ENTREP1: variants seen among roughly 807,000 people sequenced by gnomAD.
ENTREP1 encodes Friedreich ataxia region gene X123.
chr9:69,372,352 C>T, the ENTREP1 span, among the ~76,000 whole-genome samples: 2 of 152,144 alleles, frequency 1.3e-5, no homozygotes, highest in Admixed American at 6.5e-5. Flanking sequence ...GCTCCCCATC[C>T]TCCAGCCCCT....
At chr9:69,387,947 T>C in the ENTREP1 span, 1 of 1,517,124 alleles carries the variant, frequency 6.6e-7, no homozygotes, top group Non-Finnish European at 8.9e-7. Context: ...CACAATGACG[T>C]GTTTCGGGCC....
chr9:69,391,955 C>T, the ENTREP1 span: 1 of 725,942 alleles, frequency 1.4e-6, no homozygotes, highest in Non-Finnish European at 2.3e-6. Flanking sequence ...TGACTGAGGG[C>T]ATTCAGGAGT....
At chr9:69,339,020 T>C in the ENTREP1 span, among the ~76,000 whole-genome samples, 1 of 152,156 alleles carries the variant, frequency 6.6e-6, no homozygotes. Context: ...AGTTCATATG[T>C]ATCTTTTGTT....
chr9:69,382,608 C>T, the ENTREP1 span: 2 of 152,328 alleles, frequency 1.3e-5, no homozygotes, highest in East Asian at 1.9e-4. Context: ...GTTGCAGAGT[C>T]TCATTCTTCT....
chr9:69,371,135 G>T, the ENTREP1 span: 1 of 316,032 alleles, frequency 3.2e-6, no homozygotes, highest in Non-Finnish European at 6.0e-6. Context: ...CCAGAGTTCT[G>T]TATTTGTTTA....
chr9:69,352,775 T>G, the ENTREP1 span, among the ~76,000 whole-genome samples: 3 of 152,166 alleles, frequency 2.0e-5, no homozygotes, highest in Non-Finnish European at 4.4e-5. Flanking sequence ...TGGACCATAG[T>G]GATTGATAGG....
the ENTREP1 span, among the ~76,000 whole-genome samples, chr9:69,370,953 G>T: frequency 1.3e-5 from 2 of 152,060 alleles, no homozygotes; most frequent in Non-Finnish European, 2.9e-5. Flanking sequence ...AGTAATATTT[G>T]TAATAATTAA....
the ENTREP1 span, chr9:69,388,434 C>G: frequency 1.8e-5 from 29 of 1,598,570 alleles, no homozygotes; most frequent in Middle Eastern, 1.7e-4. Context: ...ATCACAAGTG[C>G]CAGTTTTCTA....
At chr9:69,371,314 A>AT in the ENTREP1 span, 1 of 656,138 alleles carries the variant, frequency 1.5e-6, no homozygotes, top group East Asian at 2.7e-5. Context: ...AGTCAGTGGC[A>AT]TCCCTCAGCA....
chr9:69,392,148 T>G, the ENTREP1 span: 1 of 313,648 alleles, frequency 3.2e-6, no homozygotes, highest in Admixed American at 4.5e-5. Context: ...TCTCTCTTTG[T>G]TGCTAAGTTC....
the ENTREP1 span, chr9:69,385,815 C>G: frequency 6.4e-7 from 1 of 1,552,018 alleles, no homozygotes. Context: ...TCCTAACATA[C>G]CTGCCGAAGA....
chr9:69,390,618 G>C, the ENTREP1 span, among the ~76,000 whole-genome samples: 4 of 152,324 alleles, frequency 2.6e-5, no homozygotes, highest in Admixed American at 1.3e-4. Context: ...AGATCCATTT[G>C]AAGCATCATT....
chr9:69,331,923 A>T, the ENTREP1 span, among the ~76,000 whole-genome samples: 5 of 152,254 alleles, frequency 3.3e-5, no homozygotes, highest in African/African-American at 1.2e-4. Flanking sequence ...CTCATTTCTG[A>T]TGGAGCTCCA....
chr9:69,381,582 A>G, the ENTREP1 span: 3 of 152,214 alleles, frequency 2.0e-5, no homozygotes, highest in African/African-American at 4.8e-5. Flanking sequence ...GAACCTCCCA[A>G]GGTGATTCTA....
At chr9:69,342,973 T>C in the ENTREP1 span, among the ~76,000 whole-genome samples, 6 of 152,252 alleles carry the variant, frequency 3.9e-5, no homozygotes, top group African/African-American at 2.4e-5. Flanking sequence ...TCATCTACGG[T>C]TGGAATCAAG....
the ENTREP1 span, among the ~76,000 whole-genome samples, chr9:69,360,874 T>G: frequency 2.7e-5 from 4 of 146,502 alleles, no homozygotes; most frequent in Non-Finnish European, 4.5e-5. Context: ...AAAAACACAT[T>G]TAAAAAATCT....
At chr9:69,375,888 G>T in the ENTREP1 span, 2 of 1,606,112 alleles carry the variant, frequency 1.2e-6, no homozygotes, top group Non-Finnish European at 1.7e-6. Flanking sequence ...ATTCCCACCC[G>T]CACGGTAAAT....
At chr9:69,383,884 C>G in the ENTREP1 span, 1 of 1,570,436 alleles carries the variant, frequency 6.4e-7, no homozygotes, top group Non-Finnish European at 8.8e-7. Flanking sequence ...AAGGAGTTCA[C>G]TGGGTCTAAT....
At chr9:69,333,068 T>C in the ENTREP1 span, among the ~76,000 whole-genome samples, 347 of 152,318 alleles carry the variant, frequency 2.3e-3, no homozygotes, top group African/African-American at 7.6e-3. Context: ...GGAAAGTATA[T>C]CTTTTATGAT....
Sources: gnomAD v4.1 joint callset for allele counts (sites outside exome capture counted in the v4.1 genomes callset) on GRCh38, gnomAD v4.1.1 for gene constraint, MANE v1.5 for transcripts, NCBI Gene and HGNC (gene_info 2026-07-23, HGNC 2026-07-21) for gene names.